The following TPRG1 variants were observed in gnomAD, a reference collection of about 807,000 sequenced individuals.
TPRG1 encodes tumor protein p63 regulated 1, also known as tumor protein p63-regulated gene 1 protein.
In TPRG1, 29 loss-of-function variants were observed where a neutral mutation model predicts 29.3. The ratio of observed to expected loss-of-function variants is 0.99; its 90% CI spans 0.74 to 1.35. The LOEUF is 1.35. Among genes scored for constraint, TPRG1 ranks in the 40% most tolerant of loss-of-function variants. The pLI, the probability that TPRG1 is intolerant of heterozygous loss-of-function variation, is 0.00. For synonymous variants in TPRG1, 130 were observed against 116.8 expected, an observed-to-expected ratio of 1.11 and a Z score of -0.73; for missense variants, 327 against 335.0, an observed-to-expected ratio of 0.98 and a Z score of 0.19.
At chr3:189,138,814 A>G (rs1578493970) in intron 3 of TPRG1, among the ~76,000 whole-genome samples, 1 of 152,324 alleles carries the variant, frequency 6.6e-6, no homozygotes, top group South Asian at 2.1e-4. Flanking sequence ...CTTTATGCAT[A>G]TAAGATAGAA....
In TPRG1 at chr3:189,324,023, C is replaced by G. The variant is rs1001081124; in HGVS notation, c.*3203C>G. On this transcript the variant is annotated 3_prime_UTR_variant, in exon 6 of 6. Transcript: ENST00000345063. ...CAACAGGAGGACTTTTAAACAATCACCAGGACTCACTCCTCGGTGGTCAAT... is the reference window on the plus strand; with the variant it reads ...CAACAGGAGGACTTTTAAACAATCAGCAGGACTCACTCCTCGGTGGTCAAT... The G allele has an allele frequency of 6.6e-6, 1 of 152,092 alleles. No individual in the cohort carries two copies. The highest frequency in any genetic ancestry group is 1.5e-5 in the Non-Finnish European group (1 of 68,014). The allele number at this position is 152,092 out of a possible 1,614,324, so 9.4% of individuals were successfully genotyped here.
At chr3:189,067,909 A>C (rs955730135) in intron 4 of TPRG1, among the ~76,000 whole-genome samples, 1 of 152,230 alleles carries the variant, frequency 6.6e-6, no homozygotes, top group African/African-American at 2.4e-5. Context: ...AAATATTTGC[A>C]ATCTATCTGG....
intron 1 of TPRG1, among the ~76,000 whole-genome samples, chr3:189,182,201 G>C (rs1428899501): frequency 2.6e-5 from 4 of 152,176 alleles, no homozygotes; most frequent in African/African-American, 9.7e-5. Flanking sequence ...TTACATTTTA[G>C]TTAGGAATTC....
intron 4 of TPRG1, among the ~76,000 whole-genome samples, chr3:189,270,198 A>C (rs1714872252): frequency 6.6e-6 from 1 of 152,114 alleles, no homozygotes; most frequent in South Asian, 2.1e-4. Flanking sequence ...AGAGAGAAAA[A>C]AAAAAAAGGT....
chr3:189,257,031 A>G (rs1010277303), intron 4 of TPRG1, among the ~76,000 whole-genome samples: 2 of 152,164 alleles, frequency 1.3e-5, no homozygotes, highest in Non-Finnish European at 2.9e-5. Flanking sequence ...TTATGTGTGA[A>G]TTTGATCCTG....
At chr3:189,183,889 G>A (rs940049690) in intron 1 of TPRG1, among the ~76,000 whole-genome samples, 2 of 151,278 alleles carry the variant, frequency 1.3e-5, no homozygotes, top group Non-Finnish European at 1.5e-5. Flanking sequence ...CTCGGCTTAC[G>A]AGATGACAGG....
At chr3:189,065,738 T>A (rs1716396092) in intron 4 of TPRG1, among the ~76,000 whole-genome samples, 1 of 152,106 alleles carries the variant, frequency 6.6e-6, no homozygotes, top group Admixed American at 6.6e-5. Context: ...GCTTTCCTCC[T>A]AAGTCTGAGA....
chr3:189,063,403 T>G (rs1479373472), intron 4 of TPRG1, among the ~76,000 whole-genome samples: 2 of 152,072 alleles, frequency 1.3e-5, no homozygotes, highest in East Asian at 3.9e-4. Flanking sequence ...AACCACACAA[T>G]TATTCACCAA....
At chr3:189,083,617 G>A (rs1338728011) in intron 4 of TPRG1, among the ~76,000 whole-genome samples, 1 of 152,276 alleles carries the variant, frequency 6.6e-6, no homozygotes, top group African/African-American at 2.4e-5. Context: ...GGTCTCAAAG[G>A]TTCCTCCTAG....
intron 4 of TPRG1, among the ~76,000 whole-genome samples, chr3:189,302,050 C>G (rs191261185): frequency 6.6e-6 from 1 of 152,300 alleles, no homozygotes; most frequent in Admixed American, 6.5e-5. Context: ...TGGCACATAG[C>G]ACACATACAA....
intron 3 of TPRG1, among the ~76,000 whole-genome samples, chr3:189,139,747 T>C (rs1489126472): frequency 6.6e-6 from 1 of 151,748 alleles, no homozygotes; most frequent in Non-Finnish European, 1.5e-5. Flanking sequence ...ATGGCATCTG[T>C]GTGCAGTGAA....
At chr3:189,220,716 C>T (rs911247607) in intron 3 of TPRG1, among the ~76,000 whole-genome samples, 3 of 152,144 alleles carry the variant, frequency 2.0e-5, no homozygotes, top group Admixed American at 2.0e-4. Context: ...TATTAGTTTG[C>T]TATGGATAAT....
chr3:189,141,949 G>A (rs1203120115), intron 3 of TPRG1, among the ~76,000 whole-genome samples: 2 of 152,140 alleles, frequency 1.3e-5, no homozygotes, highest in African/African-American at 4.8e-5. Flanking sequence ...AGACCTGAGA[G>A]ATAAATTGCA....
At chr3:189,089,707 T>A (rs1718211641) in intron 4 of TPRG1, among the ~76,000 whole-genome samples, 1 of 152,186 alleles carries the variant, frequency 6.6e-6, no homozygotes, top group Non-Finnish European at 1.5e-5. Flanking sequence ...ATTATCATGA[T>A]AATGCACTAA....
chr3:189,241,146 T>G (rs1431596545), intron 4 of TPRG1, among the ~76,000 whole-genome samples: 4 of 152,226 alleles, frequency 2.6e-5, no homozygotes, highest in African/African-American at 9.6e-5. Context: ...GTCAAAGTCA[T>G]GTAAATTTTA....
At chr3:189,222,503 G>A (rs548840074) in intron 3 of TPRG1, among the ~76,000 whole-genome samples, 1 of 152,258 alleles carries the variant, frequency 6.6e-6, no homozygotes, top group African/African-American at 2.4e-5. Context: ...TCAAAGTGTA[G>A]TCCTGAATTC....
intron 1 of TPRG1, among the ~76,000 whole-genome samples, chr3:189,183,926 A>C (rs1010897957): frequency 2.2e-4 from 33 of 151,884 alleles, no homozygotes; most frequent in Admixed American, 1.8e-3. Context: ...AAAGACAGGC[A>C]TAGGAAATCA....
At chr3:189,183,735 G>A (rs1176235032) in intron 1 of TPRG1, among the ~76,000 whole-genome samples, 1 of 151,898 alleles carries the variant, frequency 6.6e-6, no homozygotes, top group Non-Finnish European at 1.5e-5. Flanking sequence ...CAGAGTTTAA[G>A]GTTATCTCTC....
chr3:189,304,100 C>T (rs1721251621), intron 4 of TPRG1, among the ~76,000 whole-genome samples: 1 of 145,916 alleles, frequency 6.9e-6, no homozygotes, highest in African/African-American at 2.6e-5. Flanking sequence ...TTAAGTTATC[C>T]CTTGGGTTAA....
Sources: allele counts gnomAD v4.1 joint callset (sites outside exome capture counted in the v4.1 genomes callset), GRCh38; gene constraint gnomAD v4.1.1; transcripts MANE v1.5; gene names NCBI Gene and HGNC (gene_info 2026-07-23, HGNC 2026-07-21).